SGCZ: variants seen among roughly 807,000 people sequenced by gnomAD.
SGCZ encodes the protein sarcoglycan zeta, also known as zeta-sarcoglycan.
In SGCZ, 40 loss-of-function variants were observed where a neutral mutation model predicts 41.3. The observed-to-expected ratio is 0.97, with a 90% CI of 0.75 to 1.26. The LOEUF is 1.26. Ranked by LOEUF, SGCZ falls within the 50% of genes most tolerant of loss-of-function variation. The probability of loss-of-function intolerance (pLI) is 0.00; values close to 1 mark genes in which losing one functional copy is unlikely to be tolerated. For synonymous variants in SGCZ, 206 were observed against 137.5 expected (o/e 1.50, Z -3.49); for missense variants, 552 against 369.8 (o/e 1.49, Z -4.04).
At chr8:14,628,199 C>G (rs190590435) in intron 1 of SGCZ, among the ~76,000 whole-genome samples, 14 of 152,076 alleles carry the variant, frequency 9.2e-5, no homozygotes, top group Admixed American at 2.0e-4. Flanking sequence ...CTGTTTGTAC[C>G]AAATTCCAGC....
In SGCZ at chr8:15,238,085, C is replaced by T. The variant is rs961421490; in HGVS notation, c.-462G>A. The T allele has an allele frequency of 6.5e-6, 1 of 154,390 alleles. No homozygotes were observed. The highest frequency in any genetic ancestry group is 1.9e-4 in the East Asian group (1 of 5,248). 9.6% of individuals were successfully genotyped at this position (154,390 alleles called of 1,614,324 possible). A position where few individuals can be genotyped will look rare whatever the true frequency, so the allele number is the denominator to read the frequency against. On this transcript the variant is annotated 5_prime_UTR_variant, in exon 1 of 8. Transcript: ENST00000382080. ...AGAGTGTATGATAAAAGGCTTCCTC[C>T]GTCAGGCTTACTCTGGTAGGTAATT...
intron 2 of SGCZ, among the ~76,000 whole-genome samples, chr8:14,350,322 G>T (rs894923313): frequency 6.6e-6 from 1 of 151,792 alleles, no homozygotes; most frequent in Non-Finnish European, 1.5e-5. Context: ...ATGGGAACAG[G>T]TCATATTCAA....
At chr8:14,832,353 G>C (rs1451955909) in intron 1 of SGCZ, among the ~76,000 whole-genome samples, 1 of 152,118 alleles carries the variant, frequency 6.6e-6, no homozygotes, top group Non-Finnish European at 1.5e-5. Flanking sequence ...CAGCCTAAAA[G>C]ATTGCTCAAG....
intron 1 of SGCZ, among the ~76,000 whole-genome samples, chr8:14,861,796 AG>A (rs1803757434): frequency 6.6e-6 from 1 of 152,058 alleles, no homozygotes; most frequent in African/African-American, 2.4e-5. Context: ...GATATTCCTT[AG>A]GGGGTGTCAG....
intron 1 of SGCZ, among the ~76,000 whole-genome samples, chr8:15,150,231 C>G (rs574716126): frequency 8.6e-6 from 1 of 116,000 alleles, no homozygotes; most frequent in African/African-American, 2.5e-5. Flanking sequence ...ATAAACATAC[C>G]AATATGTTTG....
chr8:14,304,240 C>T lies in SGCZ; in HGVS notation c.336+19863G>A, dbSNP rs1056479164. Among the ~76,000 whole-genome samples the T allele has an allele frequency of 5.3e-5, 8 of 150,850 alleles. No individual in the cohort carries two copies. In the South Asian group the frequency reaches 6.3e-4, roughly 12 times the overall value. On this transcript the variant is annotated intron_variant, in intron 3 of 7. Coordinates refer to ENST00000382080, the MANE Select transcript of SGCZ (RefSeq NM_139167.4). ...GGAGGATCGCTTGAGCCCAGGAGTT[C>T]GAGACCAGCCTAGGCAACATGGTAA...
chr8:14,393,250 T>C (rs1430978796), intron 2 of SGCZ, among the ~76,000 whole-genome samples: 1 of 152,154 alleles, frequency 6.6e-6, no homozygotes, highest in Non-Finnish European at 1.5e-5. Flanking sequence ...TTCTCTTTAA[T>C]GAAAACCAGC....
intron 7 of SGCZ, among the ~76,000 whole-genome samples, chr8:14,093,867 T>A (rs1801762714): frequency 6.6e-6 from 1 of 152,098 alleles, no homozygotes; most frequent in Non-Finnish European, 1.5e-5. Flanking sequence ...TTCTCTATAG[T>A]AAAAATCCAT....
rs193115957 is a variant in SGCZ, at chr8:14,270,197, T to A, written c.337-32518A>T. On this transcript the variant is annotated intron_variant, in intron 3 of 7. Transcript: ENST00000382080. ...ATAATAAAAAATTAGCTGGTTGTGG[T>A]GACCCATGTCTGTAATCCCAGCTAC... is the stretch of plus-strand genomic sequence containing the variant. 2.6e-5 allele frequency among the ~76,000 whole-genome samples: 4 copies of A among 152,148 alleles called. No homozygotes were observed. In the East Asian group the frequency reaches 7.7e-4, roughly 29 times the overall value.
intron 4 of SGCZ, among the ~76,000 whole-genome samples, chr8:14,184,266 G>C (rs1360182449): frequency 6.6e-6 from 1 of 151,042 alleles, no homozygotes; most frequent in Non-Finnish European, 1.5e-5. Flanking sequence ...TCTCATATCA[G>C]CAGGAGCTAA....
intron 1 of SGCZ, among the ~76,000 whole-genome samples, chr8:15,013,180 A>C (rs557958124): frequency 6.6e-6 from 1 of 152,314 alleles, no homozygotes; most frequent in Non-Finnish European, 1.5e-5. Flanking sequence ...TATTTGATGT[A>C]CAGATATATA....
intron 1 of SGCZ, among the ~76,000 whole-genome samples, chr8:14,684,942 T>C (rs1389941409): frequency 6.6e-6 from 1 of 152,294 alleles, no homozygotes; most frequent in East Asian, 1.9e-4. Context: ...TGGCATTTCC[T>C]ATGTAATTAA....
intron 1 of SGCZ, among the ~76,000 whole-genome samples, chr8:14,821,723 C>A (rs1025837312): frequency 1.3e-5 from 2 of 151,926 alleles, no homozygotes; most frequent in African/African-American, 4.8e-5. Flanking sequence ...TCCCTATGAT[C>A]ATTTTAATAG....
chr8:14,318,330 C>T (rs1316474158), intron 3 of SGCZ, among the ~76,000 whole-genome samples: 1 of 151,850 alleles, frequency 6.6e-6, no homozygotes, highest in Non-Finnish European at 1.5e-5. Context: ...TTACAAATCT[C>T]CCTCACGCTT....
chr8:14,521,963 A>G (rs1585627585), intron 2 of SGCZ, among the ~76,000 whole-genome samples: 2 of 152,232 alleles, frequency 1.3e-5, no homozygotes, highest in East Asian at 3.9e-4. Context: ...AGGCTTAATC[A>G]TGGATGTGTG....
chr8:14,201,078 C>G (rs932012379), intron 4 of SGCZ, among the ~76,000 whole-genome samples: 1 of 152,056 alleles, frequency 6.6e-6, no homozygotes, highest in Non-Finnish European at 1.5e-5. Context: ...ACAATTAAAA[C>G]TATTAAATAC....
At chr8:14,663,597 G>A (rs1397152163) in intron 1 of SGCZ, among the ~76,000 whole-genome samples, 1 of 152,054 alleles carries the variant, frequency 6.6e-6, no homozygotes, top group Non-Finnish European at 1.5e-5. Context: ...TCAATGGAAT[G>A]CTACTTAAAT....
At chr8:14,229,532 T>C (rs1484228673) in intron 4 of SGCZ, among the ~76,000 whole-genome samples, 1 of 152,084 alleles carries the variant, frequency 6.6e-6, no homozygotes, top group East Asian at 1.9e-4. Flanking sequence ...TTGAAATGTA[T>C]ATGTAGTATT....
At chr8:14,737,117 T>TA (rs201098085) in intron 1 of SGCZ, among the ~76,000 whole-genome samples, 2 of 131,896 alleles carry the variant, frequency 1.5e-5, no homozygotes, top group African/African-American at 3.1e-5. Context: ...TACATAAGAT[T>TA]TATATCTATA....
Sources: allele counts gnomAD v4.1 joint callset (sites outside exome capture counted in the v4.1 genomes callset), GRCh38; gene constraint gnomAD v4.1.1; transcripts MANE v1.5; gene names NCBI Gene and HGNC (gene_info 2026-07-23, HGNC 2026-07-21).